The following CNTNAP5 variants were observed in gnomAD, a reference collection of about 807,000 sequenced individuals.
CNTNAP5 encodes contactin-associated protein-like 5.
CNTNAP5 carries 72 observed loss-of-function variants against 150.2 expected under a neutral mutation model. That is an observed-to-expected ratio of 0.48 (90% confidence interval 0.40 to 0.58). The LOEUF (loss-of-function observed/expected upper bound fraction) is 0.58. Ranked by LOEUF, CNTNAP5 falls within the 20% of genes least tolerant of loss-of-function variation. The pLI is 0.00. For synonymous variants in CNTNAP5, 672 were observed against 619.8 expected (o/e 1.08, Z -1.25); for missense variants, 1,636 against 1,626.2 (o/e 1.01, Z -0.10).
At chr2:124,826,747 G>A (rs1199792038) in intron 19 of CNTNAP5, among the ~76,000 whole-genome samples, 8 of 151,974 alleles carry the variant, frequency 5.3e-5, no homozygotes, top group Non-Finnish European at 1.0e-4. Context: ...TTGAAAATCT[G>A]CTATTATAGC....
intron 14 of CNTNAP5, among the ~76,000 whole-genome samples, chr2:124,748,807 C>T (rs999872500): frequency 6.6e-6 from 1 of 152,168 alleles, no homozygotes; most frequent in Non-Finnish European, 1.5e-5. Flanking sequence ...CGAGTGCCTT[C>T]TCCTAAACTC....
chr2:124,745,507 T>G (rs966358133), intron 13 of CNTNAP5, among the ~76,000 whole-genome samples: 2 of 152,156 alleles, frequency 1.3e-5, no homozygotes, highest in African/African-American at 2.4e-5. Context: ...ATGCTCCAAA[T>G]AAGCCTGCCA....
At chr2:124,462,522 T>C (rs1455794853) in intron 6 of CNTNAP5, among the ~76,000 whole-genome samples, 5 of 152,328 alleles carry the variant, frequency 3.3e-5, no homozygotes, top group Middle Eastern at 3.4e-3. Context: ...TTCATTAACA[T>C]GAACTAAAGG....
intron 19 of CNTNAP5, among the ~76,000 whole-genome samples, chr2:124,851,199 T>A (rs1206291113): frequency 1.3e-5 from 2 of 152,002 alleles, no homozygotes; most frequent in Non-Finnish European, 2.9e-5. Flanking sequence ...ACCCCATCTC[T>A]ACAAAAATCA....
intron 6 of CNTNAP5, among the ~76,000 whole-genome samples, chr2:124,447,604 G>C (rs1313658383): frequency 6.6e-6 from 1 of 152,210 alleles, no homozygotes; most frequent in Non-Finnish European, 1.5e-5. Flanking sequence ...GAGAAACTGA[G>C]ATAAGCTCTT....
At chr2:124,247,011 A>C (rs762261489) in intron 3 of CNTNAP5, among the ~76,000 whole-genome samples, 1 of 152,066 alleles carries the variant, frequency 6.6e-6, no homozygotes, top group Non-Finnish European at 1.5e-5. Flanking sequence ...AAGGACTTGC[A>C]TTTGTTACCT....
chr2:124,901,719 C>A (rs779850797), intron 21 of CNTNAP5, among the ~76,000 whole-genome samples: 1 of 152,098 alleles, frequency 6.6e-6, no homozygotes, highest in Admixed American at 6.6e-5. Flanking sequence ...ACACCAGCCA[C>A]ATAACAATAC....
chr2:124,889,843 A>G (rs1314228305), intron 21 of CNTNAP5, among the ~76,000 whole-genome samples: 2 of 152,052 alleles, frequency 1.3e-5, no homozygotes, highest in African/African-American at 4.8e-5. Flanking sequence ...AAACCAAGAC[A>G]GTATTATCGC....
rs74779521 is a variant in CNTNAP5, at chr2:124,607,067, C to T, written c.1757-2734C>T. On this transcript the variant is annotated intron_variant, in intron 11 of 23. Coordinates refer to ENST00000682447, the MANE Select transcript of CNTNAP5 (RefSeq NM_001367498.1). ...CCTTACTACAACAGTATGAGGGAGG[C>T]TCTTTTTGAGTTACTGTAGTCTAAT... Among the ~76,000 whole-genome samples the T allele has an allele frequency of 1.1e-3, 165 of 152,236 alleles. 1 individual carries two copies. The Middle Eastern group carries it at 0.017, about 16-fold the overall frequency.
intron 13 of CNTNAP5, among the ~76,000 whole-genome samples, chr2:124,649,416 C>T (rs1371566904): frequency 1.3e-5 from 2 of 152,180 alleles, no homozygotes; most frequent in African/African-American, 2.4e-5. Context: ...ATGCCCTTCC[C>T]TCTTCTCATT....
chr2:124,669,814 G>A (rs1678773234), intron 13 of CNTNAP5, among the ~76,000 whole-genome samples: 1 of 152,070 alleles, frequency 6.6e-6, no homozygotes, highest in Non-Finnish European at 1.5e-5. Flanking sequence ...AATCCAACTG[G>A]CTATCATTGA....
intron 1 of CNTNAP5, among the ~76,000 whole-genome samples, chr2:124,194,237 C>T (rs1378696822): frequency 1.3e-5 from 2 of 151,706 alleles, no homozygotes; most frequent in African/African-American, 4.9e-5. Context: ...CTCCTCATCC[C>T]CTCCCCAAAT....
chr2:124,800,775 A>G (rs1298489606), intron 19 of CNTNAP5, among the ~76,000 whole-genome samples: 1 of 152,162 alleles, frequency 6.6e-6, no homozygotes, highest in African/African-American at 2.4e-5. Flanking sequence ...TCAAGAAGGT[A>G]CTTGTGCCTT....
At chr2:124,780,654 T>A (rs546778371) in intron 17 of CNTNAP5, among the ~76,000 whole-genome samples, 2 of 152,360 alleles carry the variant, frequency 1.3e-5, no homozygotes, top group East Asian at 3.9e-4. Flanking sequence ...ATCTGTTCAA[T>A]AAGACAGCCT....
chr2:124,039,544 G>A (rs1212023542), intron 1 of CNTNAP5, among the ~76,000 whole-genome samples: 2 of 152,240 alleles, frequency 1.3e-5, no homozygotes, highest in Non-Finnish European at 2.9e-5. Flanking sequence ...CTGATGTTAA[G>A]TAATGTGAGT....
At chr2:124,241,546 T>C (rs1448510507) in intron 2 of CNTNAP5, among the ~76,000 whole-genome samples, 1 of 152,186 alleles carries the variant, frequency 6.6e-6, no homozygotes, top group African/African-American at 2.4e-5. Flanking sequence ...GCTGTTTACC[T>C]CTTGTGATGG....
At chr2:124,499,786 A>G (rs1161903005) in intron 7 of CNTNAP5, among the ~76,000 whole-genome samples, 3 of 152,166 alleles carry the variant, frequency 2.0e-5, no homozygotes, top group African/African-American at 7.2e-5. Context: ...TGTTATTGGT[A>G]TTAATCAGTG....
At chr2:124,060,421 T>C (rs571459531) in intron 1 of CNTNAP5, among the ~76,000 whole-genome samples, 1 of 152,326 alleles carries the variant, frequency 6.6e-6, no homozygotes, top group Non-Finnish European at 1.5e-5. Flanking sequence ...CATGGGCAGC[T>C]CCTCTGTAAT....
At chr2:124,190,489 T>C (rs763184163) in intron 1 of CNTNAP5, among the ~76,000 whole-genome samples, 1 of 152,064 alleles carries the variant, frequency 6.6e-6, no homozygotes, top group African/African-American at 2.4e-5. Context: ...AGACCAAGTC[T>C]CCCAACCCAA....
Sources: gnomAD v4.1 joint callset for allele counts (sites outside exome capture counted in the v4.1 genomes callset) on GRCh38, gnomAD v4.1.1 for gene constraint, MANE v1.5 for transcripts, NCBI Gene and HGNC (gene_info 2026-07-23, HGNC 2026-07-21) for gene names.